The following SCN8A variants were observed in gnomAD, a reference collection of about 807,000 sequenced individuals.
SCN8A encodes sodium channel protein type 8 subunit alpha.
In SCN8A, 30 loss-of-function variants were observed where a neutral mutation model predicts 184.1. That is an observed-to-expected ratio of 0.16 (90% CI 0.12 to 0.22). The LOEUF (loss-of-function observed/expected upper bound fraction) is 0.22, where lower values mean the gene tolerates loss of function less well. SCN8A is among the 10% of genes least tolerant of loss of function. The pLI, the probability that SCN8A is intolerant of heterozygous loss-of-function variation, is 1.00. For synonymous variants in SCN8A, 852 were observed against 907.0 expected (o/e 0.94, Z 1.09); for missense variants, 1,057 against 2,498.9 (o/e 0.42, Z 12.30).
At chr12:51,800,533 C>T (rs867770331) in intron 26 of SCN8A, among the ~76,000 whole-genome samples, 3 of 152,208 alleles carry the variant, frequency 2.0e-5, no homozygotes, top group African/African-American at 4.8e-5. Flanking sequence ...TCCATTTGGC[C>T]TTTCCCACCA....
intron 1 of SCN8A, among the ~76,000 whole-genome samples, chr12:51,654,177 C>T (rs542537707): frequency 8.5e-5 from 13 of 152,166 alleles, no homozygotes; most frequent in Non-Finnish European, 1.9e-4. Context: ...CTTTGAGCAA[C>T]AAAAGCTTTT....
chr12:51,623,856 C>T (rs1592335672), intron 1 of SCN8A, among the ~76,000 whole-genome samples: 1 of 152,006 alleles, frequency 6.6e-6, no homozygotes, highest in Non-Finnish European at 1.5e-5. Context: ...TGAGTGAGAA[C>T]ATGCGGTGTT....
At chr12:51,741,630 G>A (rs925026274) in intron 12 of SCN8A, among the ~76,000 whole-genome samples, 5 of 151,868 alleles carry the variant, frequency 3.3e-5, no homozygotes, top group African/African-American at 4.8e-5. Context: ...TTGTGTATCC[G>A]TTGTGTGTTT....
At chr12:51,791,199 A>G (rs1938240592) in intron 25 of SCN8A, among the ~76,000 whole-genome samples, 1 of 152,196 alleles carries the variant, frequency 6.6e-6, no homozygotes, top group Admixed American at 6.5e-5. Flanking sequence ...AACTTTAAAA[A>G]ACAGACACAA....
At chr12:51,677,260 A>AT (rs1306190272) in intron 2 of SCN8A, among the ~76,000 whole-genome samples, 8 of 150,948 alleles carry the variant, frequency 5.3e-5, no homozygotes, top group South Asian at 4.2e-4. Context: ...AATTTTTTTT[A>AT]TTTTTTTTGT....
In SCN8A at chr12:51,792,095, T is replaced by G. The variant is rs150174261; in HGVS notation, c.4524+1593T>G. On this transcript the variant is annotated intron_variant, in intron 25 of 26. Transcript: ENST00000627620. The stretch of plus-strand genomic sequence containing the variant: ...ACAGCTACAATAAAATGTGGAAGAT[T>G]GTAGGAAAAAAATTAACTAGAGGGC... 1.2e-3 allele frequency among the ~76,000 whole-genome samples: 176 copies of G among 151,960 alleles called. No homozygotes were observed. In the East Asian group the frequency reaches 0.024, roughly 21 times the overall value.
intron 1 of SCN8A, among the ~76,000 whole-genome samples, chr12:51,598,875 C>A (rs1212947905): frequency 6.6e-6 from 1 of 152,164 alleles, no homozygotes; most frequent in Non-Finnish European, 1.5e-5. Flanking sequence ...CATTCTAGAT[C>A]ATCTTAGATC....
At chr12:51,795,663 A>T (rs751615286) in intron 26 of SCN8A, among the ~76,000 whole-genome samples, 1 of 151,782 alleles carries the variant, frequency 6.6e-6, no homozygotes, top group Non-Finnish European at 1.5e-5. Context: ...AAAGAATCTC[A>T]TGAGGGAATT....
chr12:51,644,567 C>A (rs111890318), intron 1 of SCN8A, among the ~76,000 whole-genome samples: 1 of 152,214 alleles, frequency 6.6e-6, no homozygotes, highest in East Asian at 1.9e-4. Context: ...AGTGCAGTGG[C>A]GTGATCTCGG....
chr12:51,647,818 G>A (rs189793089), intron 1 of SCN8A, among the ~76,000 whole-genome samples: 2 of 152,304 alleles, frequency 1.3e-5, no homozygotes, highest in Admixed American at 1.3e-4. Flanking sequence ...CCATCTGGCT[G>A]CATTTTTCTC....
At chr12:51,775,069 A>G (rs1405519168) in intron 20 of SCN8A, among the ~76,000 whole-genome samples, 1 of 152,178 alleles carries the variant, frequency 6.6e-6, no homozygotes, top group Non-Finnish European at 1.5e-5. Flanking sequence ...GTCCCTTGTC[A>G]GCTTTACTAA....
chr12:51,677,950 A>G (rs1002858168), intron 2 of SCN8A, among the ~76,000 whole-genome samples: 3 of 152,212 alleles, frequency 2.0e-5, no homozygotes, highest in African/African-American at 7.2e-5. Context: ...CATGGGCACC[A>G]AGTGATTGTT....
At chr12:51,608,790 G>A (rs1028607237) in intron 1 of SCN8A, among the ~76,000 whole-genome samples, 11 of 151,974 alleles carry the variant, frequency 7.2e-5, no homozygotes, top group Admixed American at 7.2e-4. Flanking sequence ...GGTTTGATTT[G>A]TTCTTGTTTC....
At chr12:51,707,167 A>G (rs1445180422) in intron 11 of SCN8A, among the ~76,000 whole-genome samples, 3 of 152,204 alleles carry the variant, frequency 2.0e-5, no homozygotes, top group African/African-American at 7.2e-5. Context: ...ATAGTACTAC[A>G]ATAAACATGG....
intron 26 of SCN8A, among the ~76,000 whole-genome samples, chr12:51,804,630 C>T (rs984097600): frequency 3.9e-5 from 6 of 152,120 alleles, no homozygotes; most frequent in Non-Finnish European, 8.8e-5. Context: ...GCTGGAATTA[C>T]ACTTGGCTAA....
chr12:51,792,063 T>C (rs924365064), intron 25 of SCN8A, among the ~76,000 whole-genome samples: 1 of 151,952 alleles, frequency 6.6e-6, no homozygotes, highest in Non-Finnish European at 1.5e-5. Flanking sequence ...AATAAATAAG[T>C]AAGCAAACAG....
At chr12:51,755,445 G>GT (rs1156634604) in intron 14 of SCN8A, among the ~76,000 whole-genome samples, 1 of 152,086 alleles carries the variant, frequency 6.6e-6, no homozygotes, top group Non-Finnish European at 1.5e-5. Context: ...ATACTTTCGT[G>GT]TTTTTCCAGC....
intron 13 of SCN8A, 138 bp from the exon 14 acceptor site, chr12:51,751,217 A>G: frequency 3.1e-6 from 2 of 646,804 alleles, no homozygotes; most frequent in Non-Finnish European, 5.4e-6. Context: ...AGAGAGAAGG[A>G]AAACACTTAG....
intron 5 of SCN8A, 21 bp downstream of exon 5, chr12:51,687,240 A>T (rs970071583): frequency 6.2e-7 from 1 of 1,611,978 alleles, no homozygotes; most frequent in Non-Finnish European, 8.5e-7. Flanking sequence ...CCCTTACTTT[A>T]TTGGTGTTCT....
Sources: allele counts gnomAD v4.1 joint callset (sites outside exome capture counted in the v4.1 genomes callset), GRCh38; gene constraint gnomAD v4.1.1; transcripts MANE v1.5; gene names NCBI Gene and HGNC (gene_info 2026-07-23, HGNC 2026-07-21).